The following CLEC9A variants were observed in gnomAD, a reference collection of about 807,000 sequenced individuals.
CLEC9A encodes C-type lectin domain containing 9A.
Under a neutral mutation model 30.0 loss-of-function variants are expected in CLEC9A, and 24 were observed. The ratio of observed to expected loss-of-function variants is 0.80; its 90% confidence interval spans 0.58 to 1.13. The LOEUF (loss-of-function observed/expected upper bound fraction) is 1.13. Among genes scored for constraint, CLEC9A ranks in the 50% most tolerant of loss-of-function variants. The pLI is 0.00. For missense variants in CLEC9A, 251 were observed against 280.9 expected, an observed-to-expected ratio of 0.89 and a Z score of 0.76; for synonymous variants, 111 against 96.8, an observed-to-expected ratio of 1.15 and a Z score of -0.86.
At chr12:10,048,488 T>C (rs895761333) in intron 2 of CLEC9A, among the ~76,000 whole-genome samples, 1 of 152,228 alleles carries the variant, frequency 6.6e-6, no homozygotes, top group Non-Finnish European at 1.5e-5. Flanking sequence ...TAAACTTCTT[T>C]CAAAATTGGA....
intron 1 of CLEC9A, among the ~76,000 whole-genome samples, chr12:10,041,170 C>G (rs1427887394): frequency 6.6e-6 from 1 of 151,976 alleles, no homozygotes; most frequent in Non-Finnish European, 1.5e-5. Flanking sequence ...CACTTAAACC[C>G]GGGAGGTGAA....
rs1434282678 is a variant in CLEC9A, at chr12:10,055,685, T to C, written c.172+1334T>C. 2.0e-5 allele frequency among the ~76,000 whole-genome samples: 3 copies of C among 152,084 alleles called. No individual in the cohort carries two copies. The East Asian group carries it at 5.8e-4, about 29-fold the overall frequency. ...AATTTGGTTTTTATATAAACATAAATCTATAGTCTCCAATTGCCAAATATT... is the reference window on the plus strand; with the variant it reads ...AATTTGGTTTTTATATAAACATAAACCTATAGTCTCCAATTGCCAAATATT... On this transcript the variant is annotated intron_variant, in intron 5 of 8. Transcript: ENST00000355819.
rs1866040983 is a variant in CLEC9A, at chr12:10,065,793, C to T, written c.*161C>T. Reference sequence around the variant, plus strand: ...TAATACACTTGGGAATATTCTTCCACACCGTCCAGATTTCATTTGATGTTG... The same window carrying T: ...TAATACACTTGGGAATATTCTTCCATACCGTCCAGATTTCATTTGATGTTG... On this transcript the variant is annotated 3_prime_UTR_variant, in exon 9 of 9. Coordinates refer to ENST00000355819, the MANE Select transcript of CLEC9A (RefSeq NM_207345.4). 2 of 652,728 alleles carry T rather than the reference C, an allele frequency of 3.1e-6. No individual in the cohort carries two copies. Among genetic ancestry groups the T allele is most frequent in the South Asian group, 2.1e-5 (1 of 48,290 alleles). 40.4% of individuals were successfully genotyped at this position (652,728 alleles called of 1,614,324 possible).
chr12:10,047,291 T>A (rs56225557), intron 2 of CLEC9A, among the ~76,000 whole-genome samples: 23 of 152,280 alleles, frequency 1.5e-4, no homozygotes, highest in Admixed American at 1.4e-3. Context: ...TTGTTTCGTC[T>A]CCCAAAAATG....
rs938893432 is a variant in CLEC9A at position 10,054,325 on chromosome 12, C to T, written c.146C>T (p.Thr49Ile). The T allele has an allele frequency of 4.3e-6, 7 of 1,612,538 alleles. No homozygotes were observed. Among genetic ancestry groups the T allele is most frequent in the Middle Eastern group, 1.6e-4 (1 of 6,078 alleles). Reference protein sequence around the residue: ...ISCVFCMGLLTASIFLGVKLL... With the variant: ...ISCVFCMGLLIASIFLGVKLL... ...TGTGTTTTCTGCATGGGATTATTAACAGCATCCATTTTCTTGGGCGTCAAG... is the reference window on the plus strand; with the variant it reads ...TGTGTTTTCTGCATGGGATTATTAATAGCATCCATTTTCTTGGGCGTCAAG... The change falls in exon 5 of 9, where the codon ACA becomes ATA. Residue 49 changes from threonine to isoleucine, a missense_variant. Thr to Ile is a moderately conservative substitution (Grantham distance 89). Transcript: ENST00000355819.
At chr12:10,060,927 G>T in intron 5 of CLEC9A, 200 bp from the exon 6 acceptor site, 1 of 494,572 alleles carries the variant, frequency 2.0e-6, no homozygotes, top group Middle Eastern at 5.4e-4. Flanking sequence ...AATTAAAAAT[G>T]GGTGCAAAGA....
At chr12:10,038,959 C>T (rs1404497290) in intron 1 of CLEC9A, among the ~76,000 whole-genome samples, 1 of 152,230 alleles carries the variant, frequency 6.6e-6, no homozygotes, top group South Asian at 2.1e-4. Context: ...TGGGCCATGC[C>T]TATTGTTGAT....
chr12:10,065,215 T>C (rs1166235599), intron 8 of CLEC9A, among the ~76,000 whole-genome samples: 1 of 152,230 alleles, frequency 6.6e-6, no homozygotes, highest in Non-Finnish European at 1.5e-5. Flanking sequence ...ATCAGGTGCC[T>C]TCATATTTTG....
intron 7 of CLEC9A, among the ~76,000 whole-genome samples, chr12:10,064,313 G>A (rs1348118354): frequency 3.9e-5 from 6 of 152,142 alleles, no homozygotes; most frequent in Non-Finnish European, 8.8e-5. Flanking sequence ...CTAACCGAAC[G>A]TGCTCATAGT....
chr12:10,051,827 G>A (rs113495356), intron 2 of CLEC9A, among the ~76,000 whole-genome samples, 164 bp from the exon 3 acceptor site: 2,189 of 152,284 alleles, frequency 0.014, 31 homozygotes, highest in Middle Eastern at 0.02. Context: ...GAGTGAAGTG[G>A]TCATCAAGAG....
Position 10,061,157 on chromosome 12 carries a change from A to T in CLEC9A, c.203A>T (p.Gln68Leu). ...LLQVSTIAMQ[Q>L]QEKLIQQERA... ...CAGGTGTCCACCATTGCGATGCAGCAGCAAGAAAAACTCATCCAACAAGAG... is the reference window on the plus strand; with the variant it reads ...CAGGTGTCCACCATTGCGATGCAGCTGCAAGAAAAACTCATCCAACAAGAG... Residue 68 changes from glutamine (Q) to leucine (L), a missense_variant, in exon 6 of 9, where the codon CAG (glutamine) becomes CTG (leucine). Gln to Leu is a moderately radical substitution (Grantham distance 113). Transcript: ENST00000355819. The T allele has an allele frequency of 6.2e-7, 1 of 1,612,016 alleles. No homozygotes were observed. Among genetic ancestry groups the T allele is most frequent in the East Asian group, 2.2e-5 (1 of 44,724 alleles).
Position 10,061,169 on chromosome 12 carries a change from T to C in CLEC9A, c.215T>C (p.Leu72Pro). The C allele has an allele frequency of 1.9e-6, 3 of 1,613,076 alleles. No individual in the cohort carries two copies. The highest frequency in any genetic ancestry group is 2.5e-6 in the Non-Finnish European group (3 of 1,179,696). Reference protein sequence around the residue: ...STIAMQQQEKLIQQERALLNF... With the variant: ...STIAMQQQEKPIQQERALLNF... ...ATTGCGATGCAGCAGCAAGAAAAAC[T>C]CATCCAACAAGAGAGGGCACTGCTA... is the stretch of plus-strand genomic sequence containing the variant. Residue 72 changes from leucine (L) to proline (P), a missense_variant, in exon 6 of 9, where the codon CTC (leucine) becomes CCC (proline). Physicochemically the swap from Leu to Pro is moderately conservative, Grantham distance 98. Coordinates refer to ENST00000355819, the MANE Select transcript of CLEC9A (RefSeq NM_207345.4).
chr12:10,046,337 C>G (rs1237675155), intron 2 of CLEC9A, among the ~76,000 whole-genome samples: 1 of 152,180 alleles, frequency 6.6e-6, no homozygotes, highest in Non-Finnish European at 1.5e-5. Context: ...AATACAATTA[C>G]TATTCCAAGT....
rs1272956813 is a variant in CLEC9A, at chr12:10,052,531, G to A, written c.-58-99G>A. ...CATAAACTTCCACTTTCTGAATGAAGGTGCATCTATTCTACTCCTTAAACA... is the reference window on the plus strand; with the variant it reads ...CATAAACTTCCACTTTCTGAATGAAAGTGCATCTATTCTACTCCTTAAACA... On this transcript the variant is annotated intron_variant, in intron 3 of 8. Transcript: ENST00000355819. The A allele has an allele frequency of 6.1e-6, 8 of 1,310,964 alleles. No homozygotes were observed. In the East Asian group the frequency reaches 1.9e-4, roughly 31 times the overall value. The allele number at this position is 1,310,964 out of a possible 1,614,324, so 81.2% of individuals were successfully genotyped here.
At chr12:10,034,171 C>T (rs1005851890) in intron 1 of CLEC9A, among the ~76,000 whole-genome samples, 8 of 152,188 alleles carry the variant, frequency 5.3e-5, no homozygotes, top group African/African-American at 1.9e-4. Context: ...AGTTACTGAG[C>T]CTCTGTGCTT....
chr12:10,061,241 G>A lies in CLEC9A; in HGVS notation c.287G>A (p.Cys96Tyr). Residue 96 changes from cysteine to tyrosine, a missense_variant, in exon 6 of 9, where the codon TGC (cysteine) becomes TAC (tyrosine). Cys to Tyr is a radical substitution (Grantham distance 194, BLOSUM62 -2). Coordinates refer to ENST00000355819, the MANE Select transcript of CLEC9A (RefSeq NM_207345.4). ...AGCTGTGCCCTTCAGATGAAATATT[G>A]CCAAGCCTTCATGCAAAACTCATTA... Reference protein sequence around the residue: ...KRSCALQMKYCQAFMQNSLSS... With the variant: ...KRSCALQMKYYQAFMQNSLSS... The A allele has an allele frequency of 6.2e-7, 1 of 1,611,754 alleles. No individual in the cohort carries two copies. Among genetic ancestry groups the A allele is most frequent in the Non-Finnish European group, 8.5e-7 (1 of 1,179,236 alleles).
At chr12:10,056,659 T>G (rs947959255) in intron 5 of CLEC9A, among the ~76,000 whole-genome samples, 1 of 152,166 alleles carries the variant, frequency 6.6e-6, no homozygotes, top group Admixed American at 6.5e-5. Context: ...AGAAGTGAGA[T>G]AAATAGTGAC....
Position 10,048,490 on chromosome 12 carries a change from A to G in CLEC9A, c.-162-3501A>G, listed in dbSNP as rs573108423. ...ATTTTACCCATAGTAAACTTCTTTC[A>G]AAATTGGAGTCAATCCTCTCAAATC... On this transcript the variant is annotated intron_variant, in intron 2 of 8. Coordinates refer to ENST00000355819, the MANE Select transcript of CLEC9A (RefSeq NM_207345.4). Among the ~76,000 whole-genome samples, 5 of 152,352 alleles carry G rather than the reference A, an allele frequency of 3.3e-5. 1 individual carries two copies. In the South Asian group the frequency reaches 1.0e-3, roughly 32 times the overall value.
chr12:10,038,780 G>C (rs1316632275), intron 1 of CLEC9A, among the ~76,000 whole-genome samples: 1 of 152,160 alleles, frequency 6.6e-6, no homozygotes, highest in Admixed American at 6.5e-5. Flanking sequence ...AAAGTTAAAT[G>C]TGTGTGTGTG....
Sources: allele counts gnomAD v4.1 joint callset (sites outside exome capture counted in the v4.1 genomes callset), GRCh38; gene constraint gnomAD v4.1.1; transcripts MANE v1.5; gene names NCBI Gene and HGNC (gene_info 2026-07-23, HGNC 2026-07-21).